Variants in ADAMTS12 observed in about 807,000 individuals in gnomAD.
The protein encoded by ADAMTS12 is ADAM metallopeptidase with thrombospondin type 1 motif 12, also known as A disintegrin and metalloproteinase with thrombospondin motifs 12.
A neutral mutation model predicts 167.8 loss-of-function variants in ADAMTS12; 118 were observed. The observed-to-expected ratio is 0.70, with a 90% CI of 0.61 to 0.82. The LOEUF is 0.82. ADAMTS12 is among the 40% of genes least tolerant of loss of function. The pLI, the probability that ADAMTS12 is intolerant of heterozygous loss-of-function variation, is 0.00. For synonymous variants in ADAMTS12, 704 were observed against 716.9 expected (o/e 0.98, Z 0.29); for missense variants, 1,916 against 1,998.8 (o/e 0.96, Z 0.79).
intron 2 of ADAMTS12, among the ~76,000 whole-genome samples, chr5:33,753,516 G>T (rs1745071350): frequency 6.6e-6 from 1 of 152,184 alleles, no homozygotes; most frequent in Admixed American, 6.5e-5. Context: ...CAAAGCAGAA[G>T]TCCAGGAGTC....
chr5:33,850,333 T>G (rs1749176210), intron 2 of ADAMTS12, among the ~76,000 whole-genome samples: 1 of 152,184 alleles, frequency 6.6e-6, no homozygotes, highest in African/African-American at 2.4e-5. Flanking sequence ...CAGGGGAAGC[T>G]GGCCACGGCG....
At chr5:33,848,367 T>C (rs1208240512) in intron 2 of ADAMTS12, among the ~76,000 whole-genome samples, 2 of 152,122 alleles carry the variant, frequency 1.3e-5, no homozygotes, top group African/African-American at 2.4e-5. Context: ...GGGCAGAGGA[T>C]AGACAAACAA....
intron 2 of ADAMTS12, among the ~76,000 whole-genome samples, chr5:33,852,586 A>C (rs1749255027): frequency 6.6e-6 from 1 of 152,234 alleles, no homozygotes; most frequent in African/African-American, 2.4e-5. Context: ...TTGTCCTCCC[A>C]GCCAATTTAA....
chr5:33,773,817 T>C (rs1425261309), intron 2 of ADAMTS12, among the ~76,000 whole-genome samples: 1 of 152,200 alleles, frequency 6.6e-6, no homozygotes, highest in Non-Finnish European at 1.5e-5. Flanking sequence ...CTTTCAGTTC[T>C]TCATAAAACT....
chr5:33,731,617 A>G (rs1744197409), intron 3 of ADAMTS12, among the ~76,000 whole-genome samples: 1 of 152,214 alleles, frequency 6.6e-6, no homozygotes, highest in Non-Finnish European at 1.5e-5. Context: ...GAAAGGCAGA[A>G]AGGAGCAAAC....
chr5:33,778,487 T>G (rs990889142), intron 2 of ADAMTS12, among the ~76,000 whole-genome samples: 7 of 149,888 alleles, frequency 4.7e-5, no homozygotes, highest in African/African-American at 1.8e-4. Flanking sequence ...TGAATAAAAC[T>G]GAAGCCTTAT....
At chr5:33,806,208 CAGA>C (rs1747223031) in intron 2 of ADAMTS12, among the ~76,000 whole-genome samples, 1 of 152,144 alleles carries the variant, frequency 6.6e-6, no homozygotes, top group African/African-American at 2.4e-5. Context: ...TGAAATGATG[CAGA>C]AGATCATGAA....
At chr5:33,598,506 G>A (rs1455599913) in intron 16 of ADAMTS12, among the ~76,000 whole-genome samples, 1 of 152,184 alleles carries the variant, frequency 6.6e-6, no homozygotes, top group Non-Finnish European at 1.5e-5. Flanking sequence ...TGAGAACAGT[G>A]ATATTCATGC....
At chr5:33,797,147 C>T (rs909783090) in intron 2 of ADAMTS12, among the ~76,000 whole-genome samples, 1 of 152,166 alleles carries the variant, frequency 6.6e-6, no homozygotes, top group African/African-American at 2.4e-5. Context: ...CTTTACATCA[C>T]GTCAACAAAT....
intron 2 of ADAMTS12, among the ~76,000 whole-genome samples, chr5:33,770,202 A>C (rs952136318): frequency 3.3e-5 from 5 of 152,170 alleles, no homozygotes; most frequent in African/African-American, 1.2e-4. Flanking sequence ...TTGAAGAGGA[A>C]ATGGCCTTAT....
chr5:33,642,080 G>C (rs1740481141), intron 10 of ADAMTS12, 125 bp from the exon 11 acceptor site: 2 of 966,512 alleles, frequency 2.1e-6, no homozygotes, highest in Admixed American at 3.0e-5. Context: ...TCACATATCA[G>C]ATGTAAAACA....
intron 18 of ADAMTS12, among the ~76,000 whole-genome samples, chr5:33,581,878 G>C (rs879564683): frequency 6.6e-6 from 1 of 152,162 alleles, no homozygotes; most frequent in East Asian, 1.9e-4. Context: ...CAGGTAGAAT[G>C]TCATGTGAAG....
At position 33,525,108 on chromosome 5, in the gene ADAMTS12, C is replaced by T. The variant is rs773828074; in HGVS notation, c.*2080G>A. On this transcript the variant is annotated 3_prime_UTR_variant, in exon 24 of 24. Coordinates refer to ENST00000504830, the MANE Select transcript of ADAMTS12 (RefSeq NM_030955.4). ...TCAATCTAGCTTACTAAATGAATCCCCCTGAAAGACTACACTACACTTCAG... is the reference window on the plus strand; with the variant it reads ...TCAATCTAGCTTACTAAATGAATCCTCCTGAAAGACTACACTACACTTCAG... 6.6e-6 allele frequency: 1 copy of T among 152,158 alleles called. No individual in the cohort carries two copies. The highest frequency in any genetic ancestry group is 1.5e-5 in the Non-Finnish European group (1 of 68,036). The allele number at this position is 152,158 out of a possible 1,614,324, so 9.4% of individuals were successfully genotyped here. A position where few individuals can be genotyped will look rare whatever the true frequency, so the allele number is the denominator to read the frequency against.
intron 3 of ADAMTS12, among the ~76,000 whole-genome samples, chr5:33,732,096 C>T (rs569709907): frequency 7.2e-5 from 11 of 152,118 alleles, no homozygotes; most frequent in African/African-American, 2.7e-4. Context: ...ACCAGGACTG[C>T]GCAGGCTGAG....
chr5:33,566,317 T>C (rs920606179), intron 19 of ADAMTS12, among the ~76,000 whole-genome samples: 1 of 152,046 alleles, frequency 6.6e-6, no homozygotes, highest in Non-Finnish European at 1.5e-5. Flanking sequence ...AATAAAAAAA[T>C]TATCTAGGTG....
intron 2 of ADAMTS12, among the ~76,000 whole-genome samples, chr5:33,783,410 A>C (rs938631091): frequency 6.6e-6 from 1 of 151,848 alleles, no homozygotes; most frequent in African/African-American, 2.4e-5. Flanking sequence ...TACAAAAAAG[A>C]AAATCAATAG....
chr5:33,573,889 C>G lies in ADAMTS12; in HGVS notation c.3972+2165G>C, dbSNP rs561073729. On this transcript the variant is annotated intron_variant, in intron 19 of 23. Transcript: ENST00000504830. ...ATCCAGAATCTACAATGAACTCAAACAAATTTACAAGAAAAAAACAAACAA... is the reference window on the plus strand; with the variant it reads ...ATCCAGAATCTACAATGAACTCAAAGAAATTTACAAGAAAAAAACAAACAA... 5.3e-5 allele frequency among the ~76,000 whole-genome samples: 8 copies of G among 152,186 alleles called. No homozygotes were observed. In the South Asian group the frequency reaches 1.7e-3, roughly 32 times the overall value.
At chr5:33,643,588 T>A in intron 9 of ADAMTS12, 118 bp from the exon 10 acceptor site, 1 of 811,758 alleles carries the variant, frequency 1.2e-6, no homozygotes, top group Non-Finnish European at 2.0e-6. Context: ...CTGTTGTTAG[T>A]GACTAAGAGT....
At chr5:33,680,745 G>A (rs1020082842) in intron 5 of ADAMTS12, among the ~76,000 whole-genome samples, 4 of 152,142 alleles carry the variant, frequency 2.6e-5, no homozygotes, top group African/African-American at 9.7e-5. Context: ...TGAGGGGATA[G>A]GCAAGATGGC....
Sources: gnomAD v4.1 joint callset for allele counts (sites outside exome capture counted in the v4.1 genomes callset) on GRCh38, gnomAD v4.1.1 for gene constraint, MANE v1.5 for transcripts, NCBI Gene and HGNC (gene_info 2026-07-23, HGNC 2026-07-21) for gene names.